GABRB2: variants seen among roughly 807,000 people sequenced by gnomAD.
GABRB2 encodes gamma-aminobutyric acid type A receptor subunit beta2.
GABRB2 carries 16 observed loss-of-function variants against 54.7 expected under a neutral mutation model. The ratio of observed to expected loss-of-function variants is 0.29; its 90% CI spans 0.20 to 0.44. GABRB2 has a LOEUF of 0.44. Ranked by LOEUF, GABRB2 falls within the 20% of genes least tolerant of loss-of-function variation. The pLI is 1.00. For synonymous variants in GABRB2, 244 were observed against 233.8 expected (o/e 1.04, Z -0.40); for missense variants, 355 against 644.0 (o/e 0.55, Z 4.86).
At chr5:161,546,768 G>C, upstream of GABRB2, 1 of 1,496,942 alleles carries the variant, frequency 6.7e-7, no homozygotes, top group Non-Finnish European at 8.9e-7. Context: ...AAGGGGAAGC[G>C]GCGGCTGCCG....
intron 8 of GABRB2, among the ~76,000 whole-genome samples, chr5:161,327,951 C>T (rs539067952): frequency 3.3e-5 from 5 of 152,192 alleles, no homozygotes; most frequent in East Asian, 3.9e-4. Context: ...AGGACAGCAC[C>T]GCATAATCAG....
intron 3 of GABRB2, among the ~76,000 whole-genome samples, 191 bp from the exon 4 acceptor site, chr5:161,460,035 C>T (rs1236131488): frequency 2.0e-5 from 3 of 152,212 alleles, no homozygotes; most frequent in Non-Finnish European, 4.4e-5. Flanking sequence ...GCCTCCCTCT[C>T]CCAGGTTCAA....
intron 5 of GABRB2, among the ~76,000 whole-genome samples, chr5:161,386,011 C>T (rs1400144237): frequency 7.0e-6 from 1 of 143,040 alleles, no homozygotes; most frequent in East Asian, 2.1e-4. Flanking sequence ...TTGAGAATTC[C>T]CAATTCGAAT....
chr5:161,294,560 A>G (rs1429204731), intron 9 of GABRB2, 132 bp from the exon 10 acceptor site: 1 of 685,508 alleles, frequency 1.5e-6, no homozygotes, highest in South Asian at 2.0e-5. Flanking sequence ...CGATTACATT[A>G]CCAAAGTCTG....
intron 3 of GABRB2, among the ~76,000 whole-genome samples, chr5:161,504,204 T>C (rs2113386095): frequency 6.6e-6 from 1 of 152,226 alleles, no homozygotes; most frequent in East Asian, 1.9e-4. Flanking sequence ...ACAAGCTAAG[T>C]AACTTAATGA....
intron 9 of GABRB2, among the ~76,000 whole-genome samples, chr5:161,295,853 A>C (rs1171609694): frequency 1.3e-5 from 2 of 152,218 alleles, no homozygotes; most frequent in Non-Finnish European, 2.9e-5. Flanking sequence ...CACTAAACAA[A>C]TAGATTATTA....
chr5:161,292,706 C>G lies in GABRB2; in HGVS notation c.*1375G>C, dbSNP rs1390905113. On this transcript the variant is annotated 3_prime_UTR_variant, in exon 10 of 10. Coordinates refer to ENST00000393959, the MANE Select transcript of GABRB2 (RefSeq NM_001371727.1). ...CAGATTGCAACATATACAATGAAAGCACTCTTAAGAAAATCAAGCCCCAAA... is the reference window on the plus strand; with the variant it reads ...CAGATTGCAACATATACAATGAAAGGACTCTTAAGAAAATCAAGCCCCAAA... 6.6e-6 allele frequency: 1 copy of G among 152,166 alleles called. No individual in the cohort carries two copies. Among genetic ancestry groups the G allele is most frequent in the African/African-American group, 2.4e-5 (1 of 41,448 alleles). The allele number at this position is 152,166 out of a possible 1,614,324, so 9.4% of individuals were successfully genotyped here.
rs190582189 is a variant in GABRB2, at chr5:161,407,756, C to T, written c.541+3219G>A. On this transcript the variant is annotated intron_variant, in intron 5 of 9. Transcript: ENST00000393959. Reference sequence around the variant, plus strand: ...GAGTTGCCTCTGACCACACAGGTAACGGCAACATTTAAGTAAAAGGGGGCT... The same window carrying T: ...GAGTTGCCTCTGACCACACAGGTAATGGCAACATTTAAGTAAAAGGGGGCT... Among the ~76,000 whole-genome samples, 226 of 152,024 alleles carry T rather than the reference C, an allele frequency of 1.5e-3. 1 individual carries two copies. The highest frequency in any genetic ancestry group is 2.0e-3 in the Admixed American group (31 of 15,254).
chr5:161,515,860 T>G (rs939508159), intron 3 of GABRB2, among the ~76,000 whole-genome samples: 2 of 152,082 alleles, frequency 1.3e-5, no homozygotes, highest in Non-Finnish European at 2.9e-5. Flanking sequence ...CATAGTAACA[T>G]AGGTAGAACA....
At chr5:161,455,238 A>G (rs1757915155) in intron 4 of GABRB2, among the ~76,000 whole-genome samples, 1 of 144,556 alleles carries the variant, frequency 6.9e-6, no homozygotes, top group Admixed American at 7.0e-5. Context: ...ATTTGACAAG[A>G]GTGGTAGCAA....
chr5:161,503,862 GA>G (rs1361136914), intron 3 of GABRB2, among the ~76,000 whole-genome samples: 5 of 151,802 alleles, frequency 3.3e-5, no homozygotes, highest in African/African-American at 9.7e-5. Flanking sequence ...ATGAAAGAAT[GA>G]AAAAAATATC....
intron 3 of GABRB2, among the ~76,000 whole-genome samples, chr5:161,500,503 A>C (rs1418056132): frequency 6.6e-6 from 1 of 152,122 alleles, no homozygotes; most frequent in Non-Finnish European, 1.5e-5. Context: ...GGAATTGGTT[A>C]ATAGATTTTT....
At chr5:161,365,374 A>G (rs1754942969) in intron 5 of GABRB2, among the ~76,000 whole-genome samples, 1 of 152,148 alleles carries the variant, frequency 6.6e-6, no homozygotes, top group African/African-American at 2.4e-5. Context: ...AAGTATTTCA[A>G]TTTGTTAGTT....
At chr5:161,437,691 C>A (rs1290432705) in intron 4 of GABRB2, among the ~76,000 whole-genome samples, 2 of 152,092 alleles carry the variant, frequency 1.3e-5, no homozygotes, top group South Asian at 2.1e-4. Context: ...GAGTCCCAGG[C>A]CAGGCAGCAT....
intron 7 of GABRB2, among the ~76,000 whole-genome samples, chr5:161,333,694 C>T (rs1753915336): frequency 6.6e-6 from 1 of 152,134 alleles, no homozygotes; most frequent in Non-Finnish European, 1.5e-5. Flanking sequence ...ACTCACTTGG[C>T]CTCATTAGCC....
chr5:161,330,835 T>C, intron 8 of GABRB2, 48 bp downstream of exon 8: 2 of 1,612,616 alleles, frequency 1.2e-6, no homozygotes, highest in South Asian at 1.1e-5. Flanking sequence ...ATTGCTAGCA[T>C]TCTTCCATGA....
At chr5:161,469,342 C>G (rs1028684142) in intron 3 of GABRB2, among the ~76,000 whole-genome samples, 3 of 151,782 alleles carry the variant, frequency 2.0e-5, no homozygotes, top group Admixed American at 2.0e-4. Context: ...TACCTTTAGG[C>G]TTGTTATTAA....
intron 8 of GABRB2, 37 bp from the exon 9 acceptor site, chr5:161,326,518 A>G (rs1162966846): frequency 1.9e-6 from 3 of 1,603,012 alleles, no homozygotes; most frequent in Admixed American, 3.4e-5. Flanking sequence ...AATTAAGTCG[A>G]TTGATGCTAC....
chr5:161,360,584 G>A (rs1754780623), intron 5 of GABRB2, among the ~76,000 whole-genome samples: 1 of 151,988 alleles, frequency 6.6e-6, no homozygotes, highest in Admixed American at 6.6e-5. Flanking sequence ...TCCATTCTCA[G>A]GGTAATAAAA....
Sources: allele counts gnomAD v4.1 joint callset (sites outside exome capture counted in the v4.1 genomes callset), GRCh38; gene constraint gnomAD v4.1.1; transcripts MANE v1.5; gene names NCBI Gene and HGNC (gene_info 2026-07-23, HGNC 2026-07-21).